Variants in DPP10 observed in about 807,000 individuals in gnomAD.
DPP10 encodes the protein inactive dipeptidyl peptidase 10.
A neutral mutation model predicts 120.9 loss-of-function variants in DPP10; 33 were observed. The observed-to-expected ratio is 0.27, with a 90% CI of 0.21 to 0.37. The LOEUF is 0.37. DPP10 is among the 10% of genes least tolerant of loss of function. DPP10 has a pLI of 1.00. For synonymous variants in DPP10, 337 were observed against 326.1 expected (o/e 1.03, Z -0.36); for missense variants, 816 against 942.8 (o/e 0.87, Z 1.76).
chr2:114,463,314 C>G (rs767135410), intron 1 of DPP10: 8 of 152,162 alleles, frequency 5.3e-5, no homozygotes, highest in Non-Finnish European at 1.0e-4. Context: ...TCCTCCTTTG[C>G]TTGTCTGTAA....
intron 1 of DPP10, among the ~76,000 whole-genome samples, chr2:114,618,606 A>G (rs1382954861): frequency 6.6e-6 from 1 of 152,062 alleles, no homozygotes; most frequent in Non-Finnish European, 1.5e-5. Context: ...TGCTAGCAAC[A>G]TTATTTTAAA....
rs78464534 is a variant in DPP10 at position 115,234,275 on chromosome 2, C to A, written c.61-74964C>A. ...CTCAGCATTCACCTATTTTATATAC[C>A]CTGCACTATGTTTCCTTTTCTTCTT... On this transcript the variant is annotated intron_variant, in intron 1 of 25. Coordinates refer to ENST00000410059, the MANE Select transcript of DPP10 (RefSeq NM_020868.6). Among the ~76,000 whole-genome samples, 1,202 of 152,150 alleles carry A rather than the reference C, an allele frequency of 7.9e-3. 12 individuals are homozygous for A. The highest frequency in any genetic ancestry group is 0.028 in the African/African-American group (1,162 of 41,510).
At chr2:115,031,333 C>T (rs1415189610) in intron 1 of DPP10, among the ~76,000 whole-genome samples, 1 of 152,210 alleles carries the variant, frequency 6.6e-6, no homozygotes, top group African/African-American at 2.4e-5. Flanking sequence ...ACTATTCAAT[C>T]TTTATTGATA....
intron 1 of DPP10, among the ~76,000 whole-genome samples, chr2:114,637,887 G>A (rs1399040855): frequency 6.6e-6 from 1 of 151,782 alleles, no homozygotes; most frequent in African/African-American, 2.4e-5. Context: ...GGTTACTGTA[G>A]CGCTGTAGTA....
At chr2:115,360,511 G>T (rs1488998468) in intron 3 of DPP10, among the ~76,000 whole-genome samples, 1 of 152,162 alleles carries the variant, frequency 6.6e-6, no homozygotes, top group Non-Finnish European at 1.5e-5. Context: ...GAGTCAGCAG[G>T]TATGTTCTTA....
chr2:115,026,286 CTT>C, intron 1 of DPP10, among the ~76,000 whole-genome samples: 1 of 152,058 alleles, frequency 6.6e-6, no homozygotes, highest in East Asian at 1.9e-4. Context: ...AAGAGACTGT[CTT>C]TTCCTTATTG....
At chr2:114,760,119 C>T (rs931216362) in intron 1 of DPP10, among the ~76,000 whole-genome samples, 4 of 152,274 alleles carry the variant, frequency 2.6e-5, no homozygotes, top group East Asian at 3.9e-4. Flanking sequence ...CACAGGCAGG[C>T]GATGCCATTG....
intron 1 of DPP10, among the ~76,000 whole-genome samples, chr2:115,266,720 G>A (rs1330663081): frequency 1.3e-5 from 2 of 152,058 alleles, no homozygotes; most frequent in Non-Finnish European, 2.9e-5. Context: ...CTTCATATTC[G>A]AGAATGATAA....
At chr2:115,067,768 C>G (rs1487018809) in intron 1 of DPP10, among the ~76,000 whole-genome samples, 2 of 143,138 alleles carry the variant, frequency 1.4e-5, no homozygotes, top group African/African-American at 5.1e-5. Context: ...GAGGCTGAGG[C>G]AGGAGAATGG....
intron 7 of DPP10, among the ~76,000 whole-genome samples, chr2:115,720,451 T>C (rs1394646314): frequency 6.6e-6 from 1 of 152,094 alleles, no homozygotes; most frequent in East Asian, 1.9e-4. Flanking sequence ...TAAAAATATG[T>C]CTTAAATATT....
intron 1 of DPP10, among the ~76,000 whole-genome samples, chr2:114,710,380 C>CT (rs1308191436): frequency 6.6e-6 from 1 of 152,212 alleles, no homozygotes; most frequent in Non-Finnish European, 1.5e-5. Flanking sequence ...TTACTATGAT[C>CT]TTTTTGCTTT....
intron 1 of DPP10, among the ~76,000 whole-genome samples, chr2:114,473,133 C>T (rs904679782): frequency 6.6e-6 from 1 of 152,182 alleles, no homozygotes; most frequent in Non-Finnish European, 1.5e-5. Context: ...AACTAGAAGT[C>T]CTCTGCATCT....
intron 3 of DPP10, among the ~76,000 whole-genome samples, chr2:115,383,163 G>C (rs566838364): frequency 6.6e-6 from 1 of 152,162 alleles, no homozygotes; most frequent in African/African-American, 2.4e-5. Context: ...GATGTGGTTT[G>C]GCTGTGTACC....
At chr2:115,606,396 C>T (rs1310385439) in intron 5 of DPP10, among the ~76,000 whole-genome samples, 1 of 152,130 alleles carries the variant, frequency 6.6e-6, no homozygotes, top group Admixed American at 6.5e-5. Flanking sequence ...AATAACACTA[C>T]ATTAAAAATA....
chr2:114,655,278 C>G (rs754285268), intron 1 of DPP10, among the ~76,000 whole-genome samples: 1 of 152,080 alleles, frequency 6.6e-6, no homozygotes, highest in Non-Finnish European at 1.5e-5. Flanking sequence ...CTCAGGCAAC[C>G]AGTATGGTTG....
chr2:115,447,567 C>A (rs552320199), intron 3 of DPP10, among the ~76,000 whole-genome samples: 2 of 152,262 alleles, frequency 1.3e-5, no homozygotes, highest in South Asian at 4.2e-4. Context: ...GTGATTGGAT[C>A]ATGGGTACGG....
intron 1 of DPP10, among the ~76,000 whole-genome samples, chr2:114,619,493 G>A (rs561276764): frequency 3.3e-5 from 5 of 150,946 alleles, no homozygotes; most frequent in Admixed American, 1.3e-4. Context: ...CAAAATACTC[G>A]AACAATTTTG....
intron 1 of DPP10, among the ~76,000 whole-genome samples, chr2:114,827,574 C>A (rs1686670605): frequency 6.6e-6 from 1 of 152,042 alleles, no homozygotes; most frequent in Admixed American, 6.5e-5. Flanking sequence ...CTAGTATTCT[C>A]TTTGAGCCAC....
chr2:114,862,868 T>A (rs544875299), intron 1 of DPP10, among the ~76,000 whole-genome samples: 1 of 148,634 alleles, frequency 6.7e-6, no homozygotes, highest in South Asian at 2.1e-4. Flanking sequence ...TGTTTGGTAG[T>A]GTGTGTTGAA....
Sources: allele counts gnomAD v4.1 joint callset (sites outside exome capture counted in the v4.1 genomes callset), GRCh38; gene constraint gnomAD v4.1.1; transcripts MANE v1.5; gene names NCBI Gene and HGNC (gene_info 2026-07-23, HGNC 2026-07-21).